Variants in FBXL17 observed in about 807,000 individuals in gnomAD.
FBXL17 encodes F-box/LRR-repeat protein 17.
Under a neutral mutation model 66.2 loss-of-function variants are expected in FBXL17, and 22 were observed. That is an observed-to-expected ratio of 0.33 (90% confidence interval 0.24 to 0.47). The LOEUF (loss-of-function observed/expected upper bound fraction) is 0.47. Ranked by LOEUF, FBXL17 falls within the 20% of genes least tolerant of loss-of-function variation. The pLI is 1.00. For synonymous variants in FBXL17, 474 were observed against 400.5 expected, an observed-to-expected ratio of 1.18 and a Z score of -2.19; for missense variants, 878 against 948.2, an observed-to-expected ratio of 0.93 and a Z score of 0.97.
chr5:107,880,905 AT>A (rs1748767404), intron 8 of FBXL17, 131 bp downstream of exon 8: 1 of 1,461,628 alleles, frequency 6.8e-7, no homozygotes. Flanking sequence ...CTATAATTGC[AT>A]ATATACATAT....
In FBXL17 at chr5:108,077,243, T is replaced by C. The variant is rs539211120; in HGVS notation, c.1746-56242A>G. Among the ~76,000 whole-genome samples, 5 of 152,336 alleles carry C rather than the reference T, an allele frequency of 3.3e-5. No homozygotes were observed. The East Asian group carries it at 5.8e-4, about 18-fold the overall frequency. ...AGCTGATTTAAAAGAGCCCACACGA[T>C]CAATCAATATTCTTGATGCAAATAG... On this transcript the variant is annotated intron_variant, in intron 6 of 8. Coordinates refer to ENST00000542267, the MANE Select transcript of FBXL17 (RefSeq NM_001163315.3).
chr5:107,877,766 G>A (rs1711208059), intron 8 of FBXL17, among the ~76,000 whole-genome samples: 2 of 151,974 alleles, frequency 1.3e-5, no homozygotes, highest in South Asian at 4.2e-4. Flanking sequence ...GAAACAAGAG[G>A]AGAACTCTAA....
intron 6 of FBXL17, among the ~76,000 whole-genome samples, chr5:108,150,197 C>T (rs935582642): frequency 6.6e-6 from 1 of 152,140 alleles, no homozygotes; most frequent in South Asian, 2.1e-4. Context: ...ATCACATTAT[C>T]ATTATCATAC....
At chr5:108,276,286 T>C (rs1757478895) in intron 4 of FBXL17, among the ~76,000 whole-genome samples, 3 of 151,944 alleles carry the variant, frequency 2.0e-5, no homozygotes, top group Non-Finnish European at 4.4e-5. Context: ...AGAGAAACTA[T>C]CAAATGACCT....
At chr5:107,955,662 T>G (rs78231045) in intron 7 of FBXL17, among the ~76,000 whole-genome samples, 3,330 of 152,318 alleles carry the variant, frequency 0.022, 113 homozygotes, top group African/African-American at 0.074. Flanking sequence ...ATGGAAAAAC[T>G]AATTTTGTAA....
intron 6 of FBXL17, among the ~76,000 whole-genome samples, chr5:108,065,790 C>G (rs77087677): frequency 0.017 from 2,552 of 152,160 alleles, 77 homozygotes; most frequent in African/African-American, 0.059. Flanking sequence ...CAAAATTTCT[C>G]TCCGCCTAAC....
At chr5:108,308,265 G>C (rs1220008754) in intron 4 of FBXL17, among the ~76,000 whole-genome samples, 2 of 152,012 alleles carry the variant, frequency 1.3e-5, no homozygotes, top group African/African-American at 2.4e-5. Flanking sequence ...ACAATAACAA[G>C]TAATGGTGGT....
chr5:107,976,493 A>C (rs941763526), intron 7 of FBXL17, among the ~76,000 whole-genome samples: 2 of 152,178 alleles, frequency 1.3e-5, no homozygotes, highest in African/African-American at 4.8e-5. Context: ...GGAGTCATAA[A>C]CACAAAGACT....
intron 4 of FBXL17, among the ~76,000 whole-genome samples, chr5:108,248,485 T>C (rs887270839): frequency 3.3e-5 from 5 of 152,150 alleles, no homozygotes; most frequent in African/African-American, 1.2e-4. Flanking sequence ...TTAATGTTCA[T>C]GTTATCAGAA....
intron 4 of FBXL17, among the ~76,000 whole-genome samples, chr5:108,332,415 C>T (rs570352321): frequency 6.6e-6 from 1 of 152,124 alleles, no homozygotes; most frequent in Non-Finnish European, 1.5e-5. Context: ...ATGCTTCCTC[C>T]TAACATTAAT....
intron 5 of FBXL17, among the ~76,000 whole-genome samples, chr5:108,201,853 TA>T (rs55995911): frequency 0.045 from 5,844 of 129,406 alleles, 353 homozygotes; most frequent in African/African-American, 0.15. Context: ...AATTTGAAAG[TA>T]AAAAAAAAAA....
At chr5:108,216,647 T>C (rs1199006767) in intron 5 of FBXL17, among the ~76,000 whole-genome samples, 3 of 152,132 alleles carry the variant, frequency 2.0e-5, no homozygotes, top group African/African-American at 7.2e-5. Flanking sequence ...TTACCTCATA[T>C]ACTGAAAGGA....
At chr5:108,078,747 A>G (rs1264521174) in intron 6 of FBXL17, among the ~76,000 whole-genome samples, 1 of 152,064 alleles carries the variant, frequency 6.6e-6, no homozygotes, top group East Asian at 1.9e-4. Context: ...CTGATTTATC[A>G]CCATTACTTG....
At chr5:107,999,535 C>T (rs1442494533) in intron 7 of FBXL17, among the ~76,000 whole-genome samples, 5 of 150,966 alleles carry the variant, frequency 3.3e-5, no homozygotes, top group Non-Finnish European at 5.9e-5. Flanking sequence ...CTAGCAGTCT[C>T]ATGCTGTATG....
At chr5:108,258,457 T>C (rs1756669901) in intron 4 of FBXL17, among the ~76,000 whole-genome samples, 1 of 152,136 alleles carries the variant, frequency 6.6e-6, no homozygotes, top group Admixed American at 6.5e-5. Context: ...CCCTTTCATA[T>C]GTTGGGGTAA....
chr5:108,376,521 AT>A (rs1326397043), intron 1 of FBXL17, among the ~76,000 whole-genome samples: 3 of 152,166 alleles, frequency 2.0e-5, no homozygotes, highest in African/African-American at 7.2e-5. Context: ...TACAGCTCTC[AT>A]TTCTTTATTG....
At position 108,340,127 on chromosome 5, in the gene FBXL17, TA is replaced by T. The variant is rs753999927; in HGVS notation, c.1506+8271del. Among the ~76,000 whole-genome samples, 401 of 133,088 alleles carry T rather than the reference TA, an allele frequency of 3.0e-3. 4 individuals are homozygous for T. Among genetic ancestry groups the T allele is most frequent in the East Asian group, 0.027 (129 of 4,742 alleles). 87.3% of individuals were successfully genotyped at this position (133,088 alleles called of 152,430 possible). On this transcript the variant is annotated intron_variant, in intron 4 of 8. Coordinates refer to ENST00000542267, the MANE Select transcript of FBXL17 (RefSeq NM_001163315.3). ...TTATGTTCCTGCCAAGCTATGTGAT[TA>T]AAAAAAAAAAAAACCTTAAGAGAAA... is the stretch of plus-strand genomic sequence containing the variant.
chr5:108,156,534 T>C (rs543737814), intron 6 of FBXL17, among the ~76,000 whole-genome samples: 115 of 152,084 alleles, frequency 7.6e-4, no homozygotes, highest in African/African-American at 2.4e-3. Context: ...TAAAATTTCC[T>C]GGAGTAAAGA....
chr5:107,872,605 T>G (rs569519067), intron 8 of FBXL17, among the ~76,000 whole-genome samples: 4 of 152,162 alleles, frequency 2.6e-5, no homozygotes, highest in Admixed American at 6.5e-5. Context: ...AACTAGTATG[T>G]ACCAGCCACT....
Sources: gnomAD v4.1 joint callset for allele counts (sites outside exome capture counted in the v4.1 genomes callset) on GRCh38, gnomAD v4.1.1 for gene constraint, MANE v1.5 for transcripts, NCBI Gene and HGNC (gene_info 2026-07-23, HGNC 2026-07-21) for gene names.